Variants in AKAP6 observed in about 807,000 individuals in gnomAD.
The protein encoded by AKAP6 is A-kinase anchor protein 6.
AKAP6 carries 58 observed loss-of-function variants against 188.5 expected under a neutral mutation model. The observed-to-expected ratio is 0.31, with a 90% CI of 0.25 to 0.38. The LOEUF is 0.38. AKAP6 is among the 10% of genes least tolerant of loss of function. The pLI is 1.00. For synonymous variants in AKAP6, 989 were observed against 998.6 expected (o/e 0.99, Z 0.18); for missense variants, 2,710 against 2,740.0 (o/e 0.99, Z 0.24).
chr14:32,386,159 T>C (rs1888532387), intron 1 of AKAP6, among the ~76,000 whole-genome samples: 1 of 152,024 alleles, frequency 6.6e-6, no homozygotes. Flanking sequence ...AGTTCTACTT[T>C]TAGTTCTTTA....
rs898866583 is a variant in AKAP6 at position 32,329,415 on chromosome 14, G to A, written c.-35+7G>A. 6.6e-6 allele frequency: 1 copy of A among 152,124 alleles called. No homozygotes were observed. The highest frequency in any genetic ancestry group is 2.4e-5 in the African/African-American group (1 of 41,442). 9.4% of individuals were successfully genotyped at this position (152,124 alleles called of 1,614,324 possible). A position where few individuals can be genotyped will look rare whatever the true frequency, so the allele number is the denominator to read the frequency against. ...ACGGTGGGATCAGGAGATGGTGAGT[G>A]TTAAATGTCTGGGCCTTAATTGCAC... On this transcript the variant is annotated splice_region_variant and intron_variant, in intron 1 of 13. Coordinates refer to ENST00000280979, the MANE Select transcript of AKAP6 (RefSeq NM_004274.5).
intron 13 of AKAP6, among the ~76,000 whole-genome samples, chr14:32,828,545 A>T (rs906000962): frequency 2.6e-4 from 34 of 130,264 alleles, no homozygotes; most frequent in Admixed American, 5.2e-4. Flanking sequence ...ACACACACAC[A>T]CACACACACA....
chr14:32,415,165 A>G (rs1889616530), intron 1 of AKAP6, among the ~76,000 whole-genome samples: 2 of 152,336 alleles, frequency 1.3e-5, no homozygotes, highest in South Asian at 2.1e-4. Context: ...ACACTGGTAC[A>G]TAAGTCTCTC....
chr14:32,392,351 A>C (rs1158140219), intron 1 of AKAP6, among the ~76,000 whole-genome samples: 1 of 152,212 alleles, frequency 6.6e-6, no homozygotes, highest in Non-Finnish European at 1.5e-5. Flanking sequence ...GGGAAGAAGG[A>C]AGGCTGGAAT....
chr14:32,455,384 T>C (rs759431180), intron 2 of AKAP6, among the ~76,000 whole-genome samples: 4 of 152,242 alleles, frequency 2.6e-5, no homozygotes, highest in Non-Finnish European at 4.4e-5. Flanking sequence ...AATAGGCATA[T>C]AATTTTAGAT....
intron 1 of AKAP6, among the ~76,000 whole-genome samples, chr14:32,351,800 TA>T (rs967546507): frequency 1.1e-4 from 16 of 152,282 alleles, no homozygotes; most frequent in African/African-American, 3.8e-4. Context: ...ATTATATCTA[TA>T]AAATTTAAAA....
intron 11 of AKAP6, among the ~76,000 whole-genome samples, chr14:32,754,770 A>G (rs2032269443): frequency 1.3e-5 from 2 of 152,168 alleles, no homozygotes; most frequent in African/African-American, 2.4e-5. Context: ...CAAATATGGT[A>G]TTCTTGGTTG....
At chr14:32,494,604 T>C (rs966327950) in intron 2 of AKAP6, among the ~76,000 whole-genome samples, 1 of 152,264 alleles carries the variant, frequency 6.6e-6, no homozygotes, top group African/African-American at 2.4e-5. Context: ...GTATTCTTTA[T>C]AGGATTCTGG....
chr14:32,340,536 A>G (rs1012875619), intron 1 of AKAP6, among the ~76,000 whole-genome samples: 3 of 152,178 alleles, frequency 2.0e-5, no homozygotes, highest in Non-Finnish European at 4.4e-5. Flanking sequence ...CCTCATTTAC[A>G]GGGTTCTCCA....
chr14:32,365,402 G>T (rs1339312531), intron 1 of AKAP6, among the ~76,000 whole-genome samples: 1 of 152,086 alleles, frequency 6.6e-6, no homozygotes, highest in Non-Finnish European at 1.5e-5. Context: ...CAAGGTGTCT[G>T]ATGTCTCACC....
At chr14:32,813,619 A>G (rs971342203) in intron 12 of AKAP6, among the ~76,000 whole-genome samples, 1 of 152,198 alleles carries the variant, frequency 6.6e-6, no homozygotes, top group South Asian at 2.1e-4. Context: ...TCTGTGCCAG[A>G]GAACTGGGAC....
chr14:32,547,083 T>C, intron 4 of AKAP6, 84 bp downstream of exon 4: 2 of 1,251,962 alleles, frequency 1.6e-6, no homozygotes, highest in Non-Finnish European at 2.2e-6. Flanking sequence ...CTACACTCTA[T>C]TATAAAATGT....
intron 2 of AKAP6, among the ~76,000 whole-genome samples, chr14:32,524,098 A>G (rs1455307463): frequency 6.6e-6 from 1 of 152,182 alleles, no homozygotes; most frequent in Non-Finnish European, 1.5e-5. Flanking sequence ...AGCTACTCCA[A>G]AGGCTAAGGT....
Position 32,546,624 on chromosome 14 carries a change from A to G in AKAP6, c.1971A>G (p.Lys657=). 1 of 1,614,180 alleles carries G rather than the reference A, an allele frequency of 6.2e-7. No homozygotes were observed. Among genetic ancestry groups the G allele is most frequent in the South Asian group, 1.1e-5 (1 of 91,092 alleles). Residue 657 remains lysine (K), a synonymous_variant, in exon 4 of 14, where the codon AAA becomes AAG. Coordinates refer to ENST00000280979, the MANE Select transcript of AKAP6 (RefSeq NM_004274.5). ...ACCTAACAAAGCTTCTGCCTCAGAA[A>G]CCCAGAGGAGAAACCATCCAGAATA... ...LENLTKLLPQ[K]PRGETIQNID... is the part of the protein sequence containing the mutation.
intron 4 of AKAP6, among the ~76,000 whole-genome samples, chr14:32,554,832 TATAGCGC>T (rs1189961592): frequency 6.6e-6 from 1 of 152,170 alleles, no homozygotes; most frequent in Admixed American, 6.5e-5. Context: ...TCCTTTGGGA[TATAGCGC>T]ATGGTCCGCC....
chr14:32,736,971 C>T (rs906274406), intron 11 of AKAP6, among the ~76,000 whole-genome samples: 1 of 152,214 alleles, frequency 6.6e-6, no homozygotes, highest in East Asian at 1.9e-4. Flanking sequence ...TGCCACTTAA[C>T]TGACAGACTA....
At chr14:32,704,299 T>G (rs1197404623) in intron 9 of AKAP6, among the ~76,000 whole-genome samples, 1 of 152,206 alleles carries the variant, frequency 6.6e-6, no homozygotes, top group Non-Finnish European at 1.5e-5. Context: ...TTTTGAAAAA[T>G]GACTTTTACT....
intron 2 of AKAP6, among the ~76,000 whole-genome samples, chr14:32,458,584 GTTA>G (rs1164026459): frequency 2.0e-5 from 3 of 152,040 alleles, no homozygotes; most frequent in Admixed American, 2.0e-4. Flanking sequence ...ACCATACAAA[GTTA>G]TTATTTTTTA....
chr14:32,685,724 C>CT (rs1889894677), intron 8 of AKAP6, among the ~76,000 whole-genome samples: 1 of 86,234 alleles, frequency 1.2e-5, no homozygotes, highest in Admixed American at 1.3e-4. Context: ...GACTCCATCT[C>CT]AAAAAAAAAA....
Sources: gnomAD v4.1 joint callset for allele counts (sites outside exome capture counted in the v4.1 genomes callset) on GRCh38, gnomAD v4.1.1 for gene constraint, MANE v1.5 for transcripts, NCBI Gene and HGNC (gene_info 2026-07-23, HGNC 2026-07-21) for gene names.